The following SEMA5A variants were observed in gnomAD, a reference collection of about 807,000 sequenced individuals.
SEMA5A encodes the protein semaphorin-5A.
A neutral mutation model predicts 135.5 loss-of-function variants in SEMA5A; 55 were observed. The observed-to-expected ratio is 0.41, with a 90% CI of 0.33 to 0.51. SEMA5A has a LOEUF of 0.51. Among genes scored for constraint, SEMA5A ranks in the 20% least tolerant of loss-of-function variants. SEMA5A has a pLI of 0.37. For synonymous variants in SEMA5A, 580 were observed against 546.5 expected (o/e 1.06, Z -0.85); for missense variants, 1,290 against 1,419.9 (o/e 0.91, Z 1.47).
At chr5:9,432,797 G>A (rs1757903144) in intron 2 of SEMA5A, among the ~76,000 whole-genome samples, 1 of 152,178 alleles carries the variant, frequency 6.6e-6, no homozygotes, top group Admixed American at 6.5e-5. Flanking sequence ...TACCCACCAT[G>A]TAACATTTAA....
At chr5:9,093,485 G>C (rs1304287403) in intron 16 of SEMA5A, among the ~76,000 whole-genome samples, 1 of 152,006 alleles carries the variant, frequency 6.6e-6, no homozygotes, top group African/African-American at 2.4e-5. Context: ...GAGGCAGGTG[G>C]CTCACGAGGT....
chr5:9,460,672 T>C (rs1759022762), intron 1 of SEMA5A, among the ~76,000 whole-genome samples: 1 of 152,192 alleles, frequency 6.6e-6, no homozygotes, highest in African/African-American at 2.4e-5. Flanking sequence ...GTTTATTAAC[T>C]TGAAACTGAA....
Position 9,154,576 on chromosome 5 carries a change from G to C in SEMA5A, c.1393C>G (p.Leu465Val). 6.2e-7 allele frequency: 1 copy of C among 1,613,698 alleles called. No individual in the cohort carries two copies. Residue 465 changes from leucine to valine, a missense_variant, in exon 12 of 23, where the codon CTG (leucine) becomes GTG (valine). Leu to Val is a conservative substitution (Grantham distance 32, BLOSUM62 1). Coordinates refer to ENST00000382496, the MANE Select transcript of SEMA5A (RefSeq NM_003966.3). ...RREPIRSLQI[L>V]HSQSVLFVGL... is the part of the protein sequence containing the mutation. ...ACGAACAGGACACTCTGGCTGTGCAGGATCTGCAGGCTCCTGATGGGCTCC... is the reference window on the plus strand; with the variant it reads ...ACGAACAGGACACTCTGGCTGTGCACGATCTGCAGGCTCCTGATGGGCTCC...
intron 3 of SEMA5A, among the ~76,000 whole-genome samples, chr5:9,350,316 G>A (rs1034744819): frequency 5.9e-5 from 9 of 152,168 alleles, no homozygotes; most frequent in Admixed American, 2.6e-4. Flanking sequence ...CTCGGGAACC[G>A]TATTCATAAG....
At chr5:9,452,910 G>C in intron 1 of SEMA5A, among the ~76,000 whole-genome samples, 1 of 152,134 alleles carries the variant, frequency 6.6e-6, no homozygotes, top group East Asian at 1.9e-4. Flanking sequence ...CCAGGAAGAA[G>C]GACTACTCTG....
At chr5:9,063,320 T>C (rs1036878980) in intron 17 of SEMA5A, among the ~76,000 whole-genome samples, 2 of 152,190 alleles carry the variant, frequency 1.3e-5, no homozygotes, top group African/African-American at 4.8e-5. Flanking sequence ...TGAAATAAGG[T>C]TGAAATTAAG....
intron 12 of SEMA5A, among the ~76,000 whole-genome samples, chr5:9,153,481 C>G (rs2150257391): frequency 6.6e-6 from 1 of 152,204 alleles, no homozygotes; most frequent in East Asian, 1.9e-4. Flanking sequence ...TAAGACTGGC[C>G]TGAGGGTGAA....
intron 1 of SEMA5A, among the ~76,000 whole-genome samples, chr5:9,445,285 A>T (rs1316867656): frequency 2.0e-5 from 3 of 152,128 alleles, no homozygotes; most frequent in Non-Finnish European, 2.9e-5. Context: ...ATTAGGAACC[A>T]GCTAATATTT....
chr5:9,050,577 CTTGA>C lies in SEMA5A; in HGVS notation c.2846-124_2846-121del, dbSNP rs1282370946. 6 of 851,622 alleles carry C rather than the reference CTTGA, an allele frequency of 7.0e-6. No homozygotes were observed. In the Admixed American group the frequency reaches 1.5e-4, roughly 21 times the overall value. 52.8% of individuals were successfully genotyped at this position (851,622 alleles called of 1,614,324 possible). ...GTTATGTGACACAAAGTTTCAAAAG[CTTGA>C]TTAATTATCAGAAAAATTCTACTTG... On this transcript the variant is annotated intron_variant, in intron 20 of 22. Transcript: ENST00000382496.
rs3063984 is a variant in SEMA5A at position 9,098,237 on chromosome 5, C to CAATAAATAAATA, written c.2073+9891_2073+9902dup. Among the ~76,000 whole-genome samples, 1,019 of 140,292 alleles carry CAATAAATAAATA rather than the reference C, an allele frequency of 7.3e-3. 8 individuals are homozygous for CAATAAATAAATA. Among genetic ancestry groups the CAATAAATAAATA allele is most frequent in the Middle Eastern group, 0.014 (4 of 282 alleles). The allele number at this position is 140,292 out of a possible 152,430, so 92.0% of individuals were successfully genotyped here. ...CAGGCAACAGAGTGAGACTCTGTCT[C>CAATAAATAAATA]AATAAATAAATAAATAAATAAATAA... On this transcript the variant is annotated intron_variant, in intron 16 of 22. Coordinates refer to ENST00000382496, the MANE Select transcript of SEMA5A (RefSeq NM_003966.3).
chr5:9,385,835 T>A (rs559360290), intron 2 of SEMA5A, among the ~76,000 whole-genome samples: 62 of 143,104 alleles, frequency 4.3e-4, no homozygotes, highest in African/African-American at 1.6e-3. Context: ...CCAGTCTAGT[T>A]CTGTTGCCCA....
rs1274378040 is a variant in SEMA5A, at chr5:9,038,432, G to A, written c.*4465C>T. On this transcript the variant is annotated 3_prime_UTR_variant, in exon 23 of 23. Transcript: ENST00000382496. ...ACACACAAGAAAACCCCATTGAAGT[G>A]TAAAGGATACCCGGACCCTAAAGAA... is the stretch of plus-strand genomic sequence containing the variant. 1 of 152,180 alleles carries A rather than the reference G, an allele frequency of 6.6e-6. No individual in the cohort carries two copies. Among genetic ancestry groups the A allele is most frequent in the Non-Finnish European group, 1.5e-5 (1 of 68,040 alleles). The allele number at this position is 152,180 out of a possible 1,614,324, so 9.4% of individuals were successfully genotyped here. A position where few individuals can be genotyped will look rare whatever the true frequency, so the allele number is the denominator to read the frequency against.
At chr5:9,247,363 T>G (rs1000767537) in intron 5 of SEMA5A, among the ~76,000 whole-genome samples, 1 of 152,180 alleles carries the variant, frequency 6.6e-6, no homozygotes, top group Non-Finnish European at 1.5e-5. Flanking sequence ...CCAATATTGA[T>G]GTAAATATAT....
intron 13 of SEMA5A, among the ~76,000 whole-genome samples, chr5:9,123,498 C>T (rs1740944227): frequency 6.6e-6 from 1 of 150,924 alleles, no homozygotes; most frequent in Admixed American, 6.6e-5. Context: ...GGGAGGAGGG[C>T]TGAGAAGAGA....
At chr5:9,135,474 C>T (rs1363178666) in intron 13 of SEMA5A, among the ~76,000 whole-genome samples, 1 of 151,948 alleles carries the variant, frequency 6.6e-6, no homozygotes, top group East Asian at 2.0e-4. Context: ...AGCCACCGTG[C>T]CCGGCCTGGT....
chr5:9,490,511 G>A (rs891731756), intron 1 of SEMA5A, among the ~76,000 whole-genome samples: 3 of 152,002 alleles, frequency 2.0e-5, no homozygotes, highest in Non-Finnish European at 4.4e-5. Context: ...TTTATTTCAT[G>A]AGATATCAAA....
chr5:9,399,899 A>C (rs1244587088), intron 2 of SEMA5A, among the ~76,000 whole-genome samples: 1 of 152,144 alleles, frequency 6.6e-6, no homozygotes, highest in African/African-American at 2.4e-5. Flanking sequence ...TTAGCTTGAC[A>C]TAGATGGTGA....
intron 2 of SEMA5A, among the ~76,000 whole-genome samples, chr5:9,421,983 T>C (rs1391478105): frequency 6.6e-5 from 10 of 152,230 alleles, no homozygotes; most frequent in Non-Finnish European, 1.5e-4. Context: ...TGTCATCTTT[T>C]AGCACAGTTT....
intron 1 of SEMA5A, among the ~76,000 whole-genome samples, chr5:9,541,906 G>T (rs1016117149): frequency 2.6e-5 from 4 of 152,188 alleles, no homozygotes; most frequent in Non-Finnish European, 5.9e-5. Flanking sequence ...GTCAATACTA[G>T]TATGTTGAAA....
Sources: allele counts gnomAD v4.1 joint callset (sites outside exome capture counted in the v4.1 genomes callset), GRCh38; gene constraint gnomAD v4.1.1; transcripts MANE v1.5; gene names NCBI Gene and HGNC (gene_info 2026-07-23, HGNC 2026-07-21).